The following SPRED1 variants were observed in gnomAD, a reference collection of about 807,000 sequenced individuals.
SPRED1 encodes the protein sprouty-related, EVH1 domain-containing protein 1.
A neutral mutation model predicts 52.3 loss-of-function variants in SPRED1; 18 were observed. The observed-to-expected ratio is 0.34, with a 90% confidence interval of 0.24 to 0.51. The LOEUF is 0.51. Ranked by LOEUF, SPRED1 falls within the 20% of genes least tolerant of loss-of-function variation. The probability of loss-of-function intolerance (pLI) is 0.97; values close to 1 mark genes in which losing one functional copy is unlikely to be tolerated. For synonymous variants in SPRED1, 155 were observed against 179.7 expected (o/e 0.86, Z 1.10); for missense variants, 485 against 551.0 (o/e 0.88, Z 1.20).
intron 1 of SPRED1, among the ~76,000 whole-genome samples, chr15:38,279,100 A>G (rs1894629369): frequency 6.6e-6 from 1 of 152,230 alleles, no homozygotes; most frequent in Non-Finnish European, 1.5e-5. Context: ...TGTTGGGATT[A>G]CAGGCGTGAG....
At chr15:38,276,228 T>TTTA (rs1894549290) in intron 1 of SPRED1, among the ~76,000 whole-genome samples, 1 of 151,308 alleles carries the variant, frequency 6.6e-6, no homozygotes, top group Non-Finnish European at 1.5e-5. Context: ...TTTTTTTTTT[T>TTTA]ACTGTGGCTC....
chr15:38,276,504 T>C (rs896470182), intron 1 of SPRED1, among the ~76,000 whole-genome samples: 15 of 152,210 alleles, frequency 9.9e-5, no homozygotes, highest in African/African-American at 3.6e-4. Context: ...CTAACCACAG[T>C]TAAGCACTTT....
chr15:38,315,955 G>A (rs2140990096), intron 2 of SPRED1, among the ~76,000 whole-genome samples: 1 of 152,100 alleles, frequency 6.6e-6, no homozygotes, highest in Admixed American at 6.6e-5. Context: ...GTGAGTGGTA[G>A]AGACTGGATG....
intron 6 of SPRED1, among the ~76,000 whole-genome samples, chr15:38,350,771 G>C (rs946292526): frequency 1.3e-5 from 2 of 152,130 alleles, no homozygotes; most frequent in Non-Finnish European, 2.9e-5. Flanking sequence ...TCTTGCTCAG[G>C]GGGAGCTCAG....
intron 5 of SPRED1, among the ~76,000 whole-genome samples, chr15:38,342,044 C>T (rs11858391): frequency 0.74 from 94,512 of 127,270 alleles, 33,564 homozygotes; most frequent in Non-Finnish European, 0.81. Context: ...TTTTTTTTTT[C>T]CCCCAGGGTG....
chr15:38,344,475 T>C lies in SPRED1; in HGVS notation c.582+4580T>C, dbSNP rs146769266. ...ATGATGGGGTGGTTGAAGAATGTAG[T>C]CATCAGGTAGAAAGTACAAAAAGTG... On this transcript the variant is annotated intron_variant, in intron 5 of 6. Transcript: ENST00000299084. Among the ~76,000 whole-genome samples the C allele has an allele frequency of 2.0e-5, 3 of 152,260 alleles. No individual in the cohort carries two copies. The East Asian group carries it at 5.8e-4, about 29-fold the overall frequency.
At chr15:38,276,711 G>A (rs2140960993) in intron 1 of SPRED1, among the ~76,000 whole-genome samples, 1 of 152,256 alleles carries the variant, frequency 6.6e-6, no homozygotes, top group East Asian at 1.9e-4. Flanking sequence ...AGGCTTTCAA[G>A]TATCATTTTA....
intron 1 of SPRED1, among the ~76,000 whole-genome samples, chr15:38,258,156 G>A (rs1894138449): frequency 6.6e-6 from 1 of 151,990 alleles, no homozygotes; most frequent in African/African-American, 2.4e-5. Flanking sequence ...CTAAAATTTT[G>A]GTCTACATGG....
intron 1 of SPRED1, among the ~76,000 whole-genome samples, chr15:38,255,123 C>T (rs1894066839): frequency 6.6e-6 from 1 of 151,976 alleles, no homozygotes; most frequent in African/African-American, 2.4e-5. Context: ...TAAATACTTG[C>T]CATAAATAAA....
At chr15:38,296,393 C>A (rs1231153690) in intron 1 of SPRED1, among the ~76,000 whole-genome samples, 3 of 152,116 alleles carry the variant, frequency 2.0e-5, no homozygotes, top group African/African-American at 7.2e-5. Flanking sequence ...ATACATTTAT[C>A]CACAAAGTGC....
At chr15:38,313,711 G>T (rs1895415081) in intron 2 of SPRED1, among the ~76,000 whole-genome samples, 1 of 151,326 alleles carries the variant, frequency 6.6e-6, no homozygotes, top group South Asian at 2.1e-4. Flanking sequence ...CCTTTCTGTA[G>T]ATATTTTTAA....
At chr15:38,268,225 GA>G (rs1894353201) in intron 1 of SPRED1, 1 of 152,180 alleles carries the variant, frequency 6.6e-6, no homozygotes, top group Non-Finnish European at 1.5e-5. Context: ...GCTCAGCCTT[GA>G]AACCCACTCT....
intron 1 of SPRED1, among the ~76,000 whole-genome samples, chr15:38,288,020 GTCT>G (rs1479695823): frequency 2.0e-5 from 3 of 152,054 alleles, no homozygotes; most frequent in African/African-American, 7.2e-5. Context: ...ATATGAGGTG[GTCT>G]TCTCTGAATG....
chr15:38,342,877 T>C (rs1423710019), intron 5 of SPRED1, among the ~76,000 whole-genome samples: 1 of 152,116 alleles, frequency 6.6e-6, no homozygotes. Context: ...CAGGGAGAGT[T>C]AAAGACTGGA....
At chr15:38,301,979 A>G (rs1178925446) in intron 2 of SPRED1, among the ~76,000 whole-genome samples, 1 of 151,916 alleles carries the variant, frequency 6.6e-6, no homozygotes, top group Non-Finnish European at 1.5e-5. Context: ...GTGAATAAAC[A>G]GTGCACTTTA....
chr15:38,276,616 A>G (rs1369007701), intron 1 of SPRED1, among the ~76,000 whole-genome samples: 1 of 152,186 alleles, frequency 6.6e-6, no homozygotes, highest in African/African-American at 2.4e-5. Flanking sequence ...CCAAGGCGTA[A>G]TAAATATTAT....
rs1437252793 is a variant in SPRED1 at position 38,353,292 on chromosome 15, C to G, written c.*1628C>G. ...CTTGTGTTAGCTTTTTTCTTTTGCCCCAGATCAAACTGAACAATGTATATA... is the reference window on the plus strand; with the variant it reads ...CTTGTGTTAGCTTTTTTCTTTTGCCGCAGATCAAACTGAACAATGTATATA... On this transcript the variant is annotated 3_prime_UTR_variant, in exon 7 of 7. Coordinates refer to ENST00000299084, the MANE Select transcript of SPRED1 (RefSeq NM_152594.3). 1.3e-5 allele frequency: 2 copies of G among 151,856 alleles called. No homozygotes were observed. The highest frequency in any genetic ancestry group is 3.0e-5 in the Non-Finnish European group (2 of 67,796). 9.4% of individuals were successfully genotyped at this position (151,856 alleles called of 1,614,324 possible). A position where few individuals can be genotyped will look rare whatever the true frequency, so the allele number is the denominator to read the frequency against.
chr15:38,300,778 A>C (rs1398428493), intron 2 of SPRED1, among the ~76,000 whole-genome samples: 1 of 152,158 alleles, frequency 6.6e-6, no homozygotes, highest in Admixed American at 6.6e-5. Flanking sequence ...TAAAAAGTTT[A>C]AATTTTTAAA....
rs751053201 is a variant in SPRED1, at chr15:38,298,545, TGAGA to T, written c.33-825_33-822del. 1.1e-3 allele frequency: 337 copies of T among 308,582 alleles called. 1 individual carries two copies. The highest frequency in any genetic ancestry group is 1.6e-3 in the Admixed American group (31 of 18,818). 19.1% of individuals were successfully genotyped at this position (308,582 alleles called of 1,614,324 possible). A position where few individuals can be genotyped will look rare whatever the true frequency, so the allele number is the denominator to read the frequency against. On this transcript the variant is annotated intron_variant, in intron 1 of 6. Coordinates refer to ENST00000299084, the MANE Select transcript of SPRED1 (RefSeq NM_152594.3). Reference sequence around the variant, plus strand: ...TTAACTTCTGGTACACAAAACAACATGAGAGAAAGAAGTCAGACAAAAAGAGTAC... The same window carrying T: ...TTAACTTCTGGTACACAAAACAACATGAAAGAAGTCAGACAAAAAGAGTAC...
Sources: gnomAD v4.1 joint callset for allele counts (sites outside exome capture counted in the v4.1 genomes callset) on GRCh38, gnomAD v4.1.1 for gene constraint, MANE v1.5 for transcripts, NCBI Gene and HGNC (gene_info 2026-07-23, HGNC 2026-07-21) for gene names.